CAMTA1: variants seen among roughly 807,000 people sequenced by gnomAD.
The protein encoded by CAMTA1 is calmodulin-binding transcription activator 1.
A neutral mutation model predicts 170.9 loss-of-function variants in CAMTA1; 27 were observed. That is an observed-to-expected ratio of 0.16 (90% CI 0.12 to 0.22). The LOEUF (loss-of-function observed/expected upper bound fraction) is 0.22, where lower values mean the gene tolerates loss of function less well. Ranked by LOEUF, CAMTA1 falls within the 10% of genes least tolerant of loss-of-function variation. The probability of loss-of-function intolerance (pLI) is 1.00; values close to 1 mark genes in which losing one functional copy is unlikely to be tolerated. For missense variants in CAMTA1, 1,619 were observed against 2,217.2 expected (o/e 0.73, Z 5.42); for synonymous variants, 833 against 891.5 (o/e 0.93, Z 1.17).
intron 3 of CAMTA1, among the ~76,000 whole-genome samples, chr1:6,899,807 C>A (rs1676539509): frequency 1.3e-5 from 2 of 152,248 alleles, no homozygotes; most frequent in African/African-American, 4.8e-5. Context: ...ATTTTAAACA[C>A]AAGCCCTTGT....
In CAMTA1 at chr1:7,664,923, G is replaced by T; in HGVS notation, c.2376G>T (p.Gly792=). The T allele has an allele frequency of 6.2e-7, 1 of 1,613,096 alleles. No individual in the cohort carries two copies. Among genetic ancestry groups the T allele is most frequent in the Middle Eastern group, 1.6e-4 (1 of 6,062 alleles). ...SVEGGSSTIY[G]HQLVSGDSTA... ...AGGGGGGCAGCAGCACCATCTATGG[G>T]CACCAGCTGGTGTCGGGGGACAGCA... The change falls in exon 9 of 23, where the codon GGG becomes GGT. Residue 792 remains glycine, a synonymous_variant. Transcript: ENST00000303635.
At chr1:6,892,377 G>A (rs902049323) in intron 3 of CAMTA1, among the ~76,000 whole-genome samples, 1 of 152,162 alleles carries the variant, frequency 6.6e-6, no homozygotes, top group Non-Finnish European at 1.5e-5. Flanking sequence ...TCTTGTTTGC[G>A]ATCTGTGGGT....
intron 6 of CAMTA1, among the ~76,000 whole-genome samples, chr1:7,503,945 G>A (rs1021375176): frequency 1.3e-5 from 2 of 152,170 alleles, no homozygotes; most frequent in African/African-American, 4.8e-5. Flanking sequence ...GAAGGGCTGG[G>A]GGAGGGGAGT....
At chr1:6,804,293 C>A (rs1359855165) in intron 1 of CAMTA1, among the ~76,000 whole-genome samples, 1 of 150,094 alleles carries the variant, frequency 6.7e-6, no homozygotes, top group Non-Finnish European at 1.5e-5. Flanking sequence ...GCTGGGATTG[C>A]AGGTATAAGC....
At chr1:7,500,530 T>C (rs1452101625) in intron 6 of CAMTA1, among the ~76,000 whole-genome samples, 3 of 152,160 alleles carry the variant, frequency 2.0e-5, no homozygotes, top group Non-Finnish European at 4.4e-5. Context: ...CTCAGGCTAC[T>C]GCGCCCACTC....
chr1:7,043,550 C>G (rs1000426540), intron 3 of CAMTA1, among the ~76,000 whole-genome samples: 1 of 152,196 alleles, frequency 6.6e-6, no homozygotes. Context: ...TCCAGAGGCT[C>G]GGCGGAAAAC....
intron 6 of CAMTA1, among the ~76,000 whole-genome samples, chr1:7,473,614 C>T (rs888785706): frequency 5.9e-5 from 9 of 152,364 alleles, no homozygotes; most frequent in African/African-American, 2.2e-4. Context: ...CATGCTGCAG[C>T]CCTCAAGAGG....
chr1:6,891,218 T>C (rs1171722822), intron 3 of CAMTA1, among the ~76,000 whole-genome samples: 1 of 152,230 alleles, frequency 6.6e-6, no homozygotes, highest in African/African-American at 2.4e-5. Context: ...TAAGATAGTT[T>C]GGAGTGCCCA....
At chr1:7,201,316 A>C (rs1442173138) in intron 4 of CAMTA1, among the ~76,000 whole-genome samples, 1 of 152,194 alleles carries the variant, frequency 6.6e-6, no homozygotes, top group Non-Finnish European at 1.5e-5. Context: ...TCATTTGGCT[A>C]TTATTAACCA....
At chr1:7,250,938 G>C (rs1353822751) in intron 5 of CAMTA1, among the ~76,000 whole-genome samples, 1 of 152,188 alleles carries the variant, frequency 6.6e-6, no homozygotes, top group South Asian at 2.1e-4. Flanking sequence ...TCGTACAAAG[G>C]CATTAGCCAT....
At chr1:7,614,960 C>A (rs1418580269) in intron 6 of CAMTA1, among the ~76,000 whole-genome samples, 2 of 152,274 alleles carry the variant, frequency 1.3e-5, no homozygotes, top group Admixed American at 6.5e-5. Context: ...GCAGGTGTTA[C>A]ATTTCCCAAC....
chr1:7,641,545 G>A lies in CAMTA1; in HGVS notation c.664+992G>A, dbSNP rs367887766. 2.6e-4 allele frequency among the ~76,000 whole-genome samples: 40 copies of A among 152,290 alleles called. No homozygotes were observed. Among genetic ancestry groups the A allele is most frequent in the South Asian group, 1.7e-3 (8 of 4,832 alleles). On this transcript the variant is annotated intron_variant, in intron 7 of 22. Coordinates refer to ENST00000303635, the MANE Select transcript of CAMTA1 (RefSeq NM_015215.4). This position sits in a 1 kb window ranked among gnomAD's most constrained non-coding sequence, Gnocchi z 4.5. ...CCAGGCTGAGGCTACGGGCACCTGC[G>A]GTGATGCTAATCCTGAGAGTCCCCT...
chr1:6,959,962 A>C (rs1297232195), intron 3 of CAMTA1, among the ~76,000 whole-genome samples: 1 of 152,140 alleles, frequency 6.6e-6, no homozygotes, highest in Admixed American at 6.5e-5. Context: ...TGCTCTAAAC[A>C]CTGCGTGCCT....
At chr1:7,170,479 G>A (rs1306492159) in intron 4 of CAMTA1, among the ~76,000 whole-genome samples, 3 of 151,856 alleles carry the variant, frequency 2.0e-5, no homozygotes, top group African/African-American at 4.8e-5. Context: ...CTCCAACCCC[G>A]ACAGGCCCCA....
intron 4 of CAMTA1, among the ~76,000 whole-genome samples, chr1:7,217,149 GT>G (rs1659883040): frequency 6.6e-6 from 1 of 152,196 alleles, no homozygotes; most frequent in Admixed American, 6.5e-5. Flanking sequence ...CATGGGGACA[GT>G]TTCCCCCATA....
chr1:7,548,849 C>T (rs1189003997), intron 6 of CAMTA1, among the ~76,000 whole-genome samples: 5 of 58,242 alleles, frequency 8.6e-5, no homozygotes, highest in African/African-American at 1.4e-4. Context: ...GTGGAGGGTG[C>T]CCCCTTAGGG....
chr1:7,214,359 G>T (rs1475527249), intron 4 of CAMTA1, among the ~76,000 whole-genome samples: 3 of 152,100 alleles, frequency 2.0e-5, no homozygotes, highest in East Asian at 1.9e-4. Context: ...ACAGAACAAA[G>T]ATTTTATTTA....
At chr1:7,667,964 A>T (rs931076416) in intron 9 of CAMTA1, among the ~76,000 whole-genome samples, 5 of 152,050 alleles carry the variant, frequency 3.3e-5, no homozygotes, top group Admixed American at 3.3e-4. Flanking sequence ...GTCCTCTCCT[A>T]CCCAGGCCAC....
At chr1:7,397,664 A>C (rs2089439862) in intron 5 of CAMTA1, among the ~76,000 whole-genome samples, 1 of 151,820 alleles carries the variant, frequency 6.6e-6, no homozygotes, top group Non-Finnish European at 1.5e-5. Flanking sequence ...TCTCTCTTAG[A>C]ACTTGTATTC....
Sources: gnomAD v4.1 joint callset for allele counts (sites outside exome capture counted in the v4.1 genomes callset) on GRCh38, gnomAD v4.1.1 for gene constraint, Gnocchi (gnomAD v3.1) non-coding constraint, MANE v1.5 for transcripts, NCBI Gene and HGNC (gene_info 2026-07-23, HGNC 2026-07-21) for gene names.